Variants in DCAF8 observed in about 807,000 individuals in gnomAD.
DCAF8 encodes DDB1 and CUL4 associated factor 8, also known as DDB1- and CUL4-associated factor 8.
A neutral mutation model predicts 68.0 loss-of-function variants in DCAF8; 20 were observed. That is an observed-to-expected ratio of 0.29 (90% CI 0.21 to 0.43). The LOEUF is 0.43. Among genes scored for constraint, DCAF8 ranks in the 20% least tolerant of loss-of-function variants. The probability of loss-of-function intolerance (pLI) is 1.00; values close to 1 mark genes in which losing one functional copy is unlikely to be tolerated. For synonymous variants in DCAF8, 230 were observed against 276.9 expected (o/e 0.83, Z 1.68); for missense variants, 460 against 771.0 (o/e 0.60, Z 4.78).
intron 12 of DCAF8, 86 bp downstream of exon 12, chr1:160,218,763 C>G (rs1188831118): frequency 3.7e-5 from 58 of 1,569,754 alleles, no homozygotes; most frequent in Non-Finnish European, 5.0e-5. Flanking sequence ...AAGAACTGGG[C>G]AGCAAGTTAT....
chr1:160,236,770 T>C (rs1655913422), intron 6 of DCAF8, among the ~76,000 whole-genome samples: 1 of 152,166 alleles, frequency 6.6e-6, no homozygotes, highest in African/African-American at 2.4e-5. Context: ...TTTCTATAAA[T>C]AACTAAATTA....
chr1:160,229,044 A>C (rs1429382042), intron 7 of DCAF8, among the ~76,000 whole-genome samples: 3 of 152,080 alleles, frequency 2.0e-5, no homozygotes, highest in Non-Finnish European at 4.4e-5. Flanking sequence ...TCACGACTGT[A>C]ATCCCAGCAC....
Position 160,231,423 on chromosome 1 carries a change from A to G in DCAF8, c.960-16T>C, listed in dbSNP as rs756098802. The G allele has an allele frequency of 6.3e-7, 1 of 1,596,570 alleles. No homozygotes were observed. Among genetic ancestry groups the G allele is most frequent in the Non-Finnish European group, 8.6e-7 (1 of 1,164,036 alleles). ...CACCAGTTTCCTTTAAGAGTAGAAA[A>G]GCACAGAAAGTTATATACTCCAAAA... On this transcript the variant is annotated splice_polypyrimidine_tract_variant and intron_variant, in intron 6 of 13. Transcript: ENST00000368074.
intron 2 of DCAF8, among the ~76,000 whole-genome samples, chr1:160,244,940 T>C (rs564593530): frequency 2.6e-5 from 4 of 152,154 alleles, no homozygotes; most frequent in Non-Finnish European, 5.9e-5. Context: ...AAGGCACAGA[T>C]ACTAAGGATT....
At chr1:160,246,201 A>C (rs190776456) in intron 2 of DCAF8, among the ~76,000 whole-genome samples, 2 of 152,248 alleles carry the variant, frequency 1.3e-5, no homozygotes, top group East Asian at 3.9e-4. Context: ...GTGTAACATG[A>C]AGAACAGATC....
intron 2 of DCAF8, among the ~76,000 whole-genome samples, chr1:160,253,364 C>A (rs1037139383): frequency 6.6e-6 from 1 of 151,844 alleles, no homozygotes; most frequent in Admixed American, 6.6e-5. Context: ...AGGCTGCGCA[C>A]AGTGGCTGAC....
At position 160,240,017 on chromosome 1, in the gene DCAF8, C is replaced by A. The variant is rs745787256; in HGVS notation, c.403G>T (p.Ala135Ser). Residue 135 changes from alanine to serine, a missense_variant, in exon 4 of 14, where the codon GCC (alanine) becomes TCC (serine). Coordinates refer to ENST00000368074, the MANE Select transcript of DCAF8 (RefSeq NM_015726.4). The stretch of plus-strand genomic sequence containing the variant: ...TCTGAGGACACCCAGTCCTCTAGGG[C>A]CCGCTCATCATCTGATGAGTCCTGG... ...RDQDSSDDER[A>S]LEDWVSSETS... is the part of the protein sequence containing the mutation. The A allele has an allele frequency of 6.2e-7, 1 of 1,614,240 alleles. No homozygotes were observed. The highest frequency in any genetic ancestry group is 2.2e-5 in the East Asian group (1 of 44,882).
chr1:160,248,658 G>C (rs144211913), intron 2 of DCAF8, among the ~76,000 whole-genome samples: 1 of 151,528 alleles, frequency 6.6e-6, no homozygotes, highest in Admixed American at 6.6e-5. Flanking sequence ...AGCTGCGATC[G>C]CGCCACTGCA....
intron 6 of DCAF8, among the ~76,000 whole-genome samples, chr1:160,236,211 CTT>C (rs1655869080): frequency 6.6e-6 from 1 of 151,572 alleles, no homozygotes; most frequent in Admixed American, 6.6e-5. Flanking sequence ...TAAGCTAAAA[CTT>C]AATCAATTTC....
chr1:160,245,363 C>G (rs545809052), intron 2 of DCAF8, among the ~76,000 whole-genome samples: 133 of 152,316 alleles, frequency 8.7e-4, no homozygotes, highest in Non-Finnish European at 1.5e-3. Context: ...AATTATGACC[C>G]CAGTCCTTGT....
chr1:160,244,605 T>TATC (rs768924093), intron 2 of DCAF8, among the ~76,000 whole-genome samples: 27 of 151,542 alleles, frequency 1.8e-4, no homozygotes, highest in Non-Finnish European at 3.4e-4. Flanking sequence ...ACTTCAAACC[T>TATC]ATTATTATTA....
intron 6 of DCAF8, among the ~76,000 whole-genome samples, chr1:160,236,262 A>ACGC (rs60178749): frequency 1.2e-4 from 17 of 137,708 alleles, no homozygotes; most frequent in African/African-American, 5.0e-4. Context: ...CATCACACAC[A>ACGC]AACACACACA....
chr1:160,223,758 T>G (rs556324476), intron 10 of DCAF8, among the ~76,000 whole-genome samples: 20 of 151,938 alleles, frequency 1.3e-4, no homozygotes, highest in Non-Finnish European at 2.4e-4. Flanking sequence ...ATTAGCCAGG[T>G]GTAGAGGCAT....
intron 2 of DCAF8, among the ~76,000 whole-genome samples, chr1:160,259,617 A>G (rs142618025): frequency 7.2e-5 from 11 of 152,278 alleles, no homozygotes; most frequent in African/African-American, 2.6e-4. Flanking sequence ...TTTTCCTCAT[A>G]CAGTTCTTTG....
intron 2 of DCAF8, among the ~76,000 whole-genome samples, chr1:160,249,338 T>C (rs536660508): frequency 6.6e-6 from 1 of 152,300 alleles, no homozygotes; most frequent in South Asian, 2.1e-4. Context: ...ATAACAAAAA[T>C]TTACTTTATT....
chr1:160,252,879 A>G (rs1244248591), intron 2 of DCAF8, among the ~76,000 whole-genome samples: 2 of 152,222 alleles, frequency 1.3e-5, no homozygotes, highest in Non-Finnish European at 2.9e-5. Context: ...GTGGGATGAG[A>G]AATTATTCTG....
chr1:160,239,456 C>T (rs1656014380), intron 4 of DCAF8: 4 of 1,441,056 alleles, frequency 2.8e-6, no homozygotes, highest in South Asian at 1.5e-5. Context: ...CCTACCAGCA[C>T]ACATTTAATA....
At chr1:160,251,551 A>C (rs79667478) in intron 2 of DCAF8, among the ~76,000 whole-genome samples, 2,407 of 152,068 alleles carry the variant, frequency 0.016, 63 homozygotes, top group African/African-American at 0.049. Context: ...CAGCTCACTG[A>C]AGCCTCGATC....
At chr1:160,237,738 C>G (rs1264098232) in intron 5 of DCAF8, among the ~76,000 whole-genome samples, 1 of 151,944 alleles carries the variant, frequency 6.6e-6, no homozygotes, top group Non-Finnish European at 1.5e-5. Context: ...TGGGGTCTTG[C>G]TATATTGCCC....
Sources: allele counts gnomAD v4.1 joint callset (sites outside exome capture counted in the v4.1 genomes callset), GRCh38; gene constraint gnomAD v4.1.1; transcripts MANE v1.5; gene names NCBI Gene and HGNC (gene_info 2026-07-23, HGNC 2026-07-21).